SEMA5A: variants seen among roughly 807,000 people sequenced by gnomAD.
SEMA5A encodes semaphorin 5A, also known as semaphorin-5A.
SEMA5A carries 55 observed loss-of-function variants against 135.5 expected under a neutral mutation model. The observed-to-expected ratio is 0.41, with a 90% confidence interval of 0.33 to 0.51. SEMA5A has a LOEUF of 0.51. Ranked by LOEUF, SEMA5A falls within the 20% of genes least tolerant of loss-of-function variation. SEMA5A has a pLI of 0.37. For synonymous variants in SEMA5A, 580 were observed against 546.5 expected, an observed-to-expected ratio of 1.06 and a Z score of -0.85; for missense variants, 1,290 against 1,419.9, an observed-to-expected ratio of 0.91 and a Z score of 1.47.
At chr5:9,135,281 C>T (rs113334166) in intron 13 of SEMA5A, among the ~76,000 whole-genome samples, 11,306 of 150,592 alleles carry the variant, frequency 0.075, 465 homozygotes, top group South Asian at 0.15. Flanking sequence ...CCCGAGTTCA[C>T]GCCATTCTCC....
At chr5:9,123,411 T>G (rs1740936328) in intron 13 of SEMA5A, among the ~76,000 whole-genome samples, 2 of 124,170 alleles carry the variant, frequency 1.6e-5, no homozygotes, top group South Asian at 2.6e-4. Context: ...AAGAGGAAGA[T>G]GAAGAAGAAG....
chr5:9,046,443 T>C (rs568422725), intron 21 of SEMA5A, among the ~76,000 whole-genome samples: 6 of 152,282 alleles, frequency 3.9e-5, no homozygotes, highest in African/African-American at 1.4e-4. Context: ...CCTCCCTACC[T>C]GGAAGGGATT....
At chr5:9,272,419 G>A (rs1228583728) in intron 5 of SEMA5A, among the ~76,000 whole-genome samples, 1 of 152,142 alleles carries the variant, frequency 6.6e-6, no homozygotes, top group African/African-American at 2.4e-5. Context: ...GGGGGAAGGG[G>A]AGGTTTTTGG....
chr5:9,120,695 C>CA (rs1398572101), intron 14 of SEMA5A, among the ~76,000 whole-genome samples: 1 of 151,900 alleles, frequency 6.6e-6, no homozygotes, highest in African/African-American at 2.4e-5. Context: ...ATTACATGTG[C>CA]AAAAAGTTGT....
In SEMA5A at chr5:9,123,258, C is replaced by CAAAAAAAAAAA. The variant is rs57533658; in HGVS notation, c.1600-432_1600-422dup. On this transcript the variant is annotated intron_variant, in intron 13 of 22. Coordinates refer to ENST00000382496, the MANE Select transcript of SEMA5A (RefSeq NM_003966.3). ...TGAGGGAAGGAGCGAGACTCCGCCT[C>CAAAAAAAAAAA]AAAAAAAAAAAAAAAAAAAAAAAAA... 1.2e-3 allele frequency among the ~76,000 whole-genome samples: 48 copies of CAAAAAAAAAAA among 38,940 alleles called. 7 individuals are homozygous for CAAAAAAAAAAA. Among genetic ancestry groups the CAAAAAAAAAAA allele is most frequent in the Non-Finnish European group, 1.7e-3 (27 of 15,800 alleles). The allele number at this position is 38,940 out of a possible 152,430, so 25.5% of individuals were successfully genotyped here. A position where few individuals can be genotyped will look rare whatever the true frequency, so the allele number is the denominator to read the frequency against.
At chr5:9,104,989 G>C (rs1449472206) in intron 16 of SEMA5A, among the ~76,000 whole-genome samples, 1 of 152,224 alleles carries the variant, frequency 6.6e-6, no homozygotes. Flanking sequence ...GAATGCCAGG[G>C]TCACAGAATC....
intron 12 of SEMA5A, among the ~76,000 whole-genome samples, chr5:9,141,068 A>T (rs1560955677): frequency 2.0e-5 from 3 of 152,250 alleles, no homozygotes; most frequent in Admixed American, 1.3e-4. Flanking sequence ...CTTTACAAAC[A>T]CAAATGCCCA....
At chr5:9,336,755 T>C (rs1334494932) in intron 4 of SEMA5A, among the ~76,000 whole-genome samples, 1 of 152,200 alleles carries the variant, frequency 6.6e-6, no homozygotes, top group East Asian at 1.9e-4. Context: ...AATGTTTATC[T>C]AGAGTGCCCA....
intron 1 of SEMA5A, among the ~76,000 whole-genome samples, chr5:9,439,146 A>T (rs1002558188): frequency 1.3e-5 from 2 of 152,176 alleles, no homozygotes; most frequent in Non-Finnish European, 2.9e-5. Context: ...AGTCCTCAAA[A>T]GTCCGTGACA....
chr5:9,200,798 A>G (rs934161279), intron 9 of SEMA5A, among the ~76,000 whole-genome samples: 6 of 152,220 alleles, frequency 3.9e-5, no homozygotes, highest in African/African-American at 1.2e-4. Flanking sequence ...GGGACTTTTT[A>G]GAAATACCAC....
intron 2 of SEMA5A, among the ~76,000 whole-genome samples, chr5:9,433,161 A>T (rs768046136): frequency 1.3e-5 from 2 of 152,198 alleles, no homozygotes; most frequent in Non-Finnish European, 2.9e-5. Flanking sequence ...CAGTGAGGAC[A>T]AAGAAAGGCA....
chr5:9,243,257 G>C (rs1748303802), intron 5 of SEMA5A, among the ~76,000 whole-genome samples: 1 of 152,152 alleles, frequency 6.6e-6, no homozygotes, highest in African/African-American at 2.4e-5. Context: ...GTCTGCCGCT[G>C]ACCTGTGGTA....
intron 19 of SEMA5A, among the ~76,000 whole-genome samples, 183 bp from the exon 20 acceptor site, chr5:9,052,211 C>T (rs756775978): frequency 6.6e-6 from 1 of 152,104 alleles, no homozygotes; most frequent in African/African-American, 2.4e-5. Context: ...ACAGTACACA[C>T]GAGGATGAAT....
At chr5:9,324,079 T>A (rs12187274) in intron 4 of SEMA5A, among the ~76,000 whole-genome samples, 103,824 of 151,588 alleles carry the variant, frequency 0.68, 38,375 homozygotes, top group Non-Finnish European at 0.83. Flanking sequence ...ATTTTATTTT[T>A]TTTTTTTGAG....
intron 5 of SEMA5A, among the ~76,000 whole-genome samples, chr5:9,276,201 C>T (rs573658179): frequency 3.9e-4 from 60 of 152,278 alleles, no homozygotes; most frequent in Non-Finnish European, 6.6e-4. Context: ...TGAGTGAACT[C>T]CCATTCACAA....
At chr5:9,395,018 G>A (rs796157899) in intron 2 of SEMA5A, among the ~76,000 whole-genome samples, 21 of 152,054 alleles carry the variant, frequency 1.4e-4, no homozygotes, top group Admixed American at 2.0e-4. Flanking sequence ...CTCCTAAGTC[G>A]TAGGAAAATT....
chr5:9,237,724 TA>T (rs1747985498), intron 6 of SEMA5A, 103 bp downstream of exon 6: 2 of 1,010,876 alleles, frequency 2.0e-6, no homozygotes, highest in Admixed American at 4.4e-5. Context: ...TTTTTCACTT[TA>T]CATGGCACCG....
chr5:9,411,640 G>C (rs1161057552), intron 2 of SEMA5A, among the ~76,000 whole-genome samples: 5 of 150,996 alleles, frequency 3.3e-5, no homozygotes, highest in African/African-American at 1.2e-4. Flanking sequence ...AGGGATGAAA[G>C]GAGAAAATAA....
At chr5:9,266,895 A>G (rs72727216) in intron 5 of SEMA5A, among the ~76,000 whole-genome samples, 106 of 152,340 alleles carry the variant, frequency 7.0e-4, no homozygotes, top group Non-Finnish European at 1.4e-3. Flanking sequence ...GTAAATATGA[A>G]CACCTAATAC....
Sources: gnomAD v4.1 joint callset for allele counts (sites outside exome capture counted in the v4.1 genomes callset) on GRCh38, gnomAD v4.1.1 for gene constraint, MANE v1.5 for transcripts, NCBI Gene and HGNC (gene_info 2026-07-23, HGNC 2026-07-21) for gene names.